The following ARHGAP26 variants were observed in gnomAD, a reference collection of about 807,000 sequenced individuals.
The protein encoded by ARHGAP26 is rho GTPase-activating protein 26.
In ARHGAP26, 38 loss-of-function variants were observed where a neutral mutation model predicts 104.8. That is an observed-to-expected ratio of 0.36 (90% confidence interval 0.28 to 0.48). ARHGAP26 has a LOEUF of 0.48. ARHGAP26 is among the 20% of genes least tolerant of loss of function. ARHGAP26 has a pLI of 0.99. For synonymous variants in ARHGAP26, 341 were observed against 340.0 expected, an observed-to-expected ratio of 1.00 and a Z score of -0.03; for missense variants, 704 against 947.9, an observed-to-expected ratio of 0.74 and a Z score of 3.38.
intron 17 of ARHGAP26, among the ~76,000 whole-genome samples, chr5:143,078,408 A>G (rs981420240): frequency 6.6e-6 from 1 of 151,938 alleles, no homozygotes; most frequent in African/African-American, 2.4e-5. Flanking sequence ...TTGGTTTTTT[A>G]TTTTGGTCAG....
intron 6 of ARHGAP26, among the ~76,000 whole-genome samples, chr5:142,895,493 G>C (rs113842165): frequency 6.6e-6 from 1 of 152,138 alleles, no homozygotes; most frequent in African/African-American, 2.4e-5. Flanking sequence ...GCCTCCCAAA[G>C]TGCTGGGATT....
At chr5:143,045,483 C>T (rs1337440771) in intron 14 of ARHGAP26, among the ~76,000 whole-genome samples, 1 of 152,196 alleles carries the variant, frequency 6.6e-6, no homozygotes, top group African/African-American at 2.4e-5. Flanking sequence ...ACAACTTCAT[C>T]AATTCTTGGT....
chr5:142,866,288 ATAGTG>A (rs1231925270), intron 1 of ARHGAP26, among the ~76,000 whole-genome samples: 1 of 152,202 alleles, frequency 6.6e-6, no homozygotes, highest in Non-Finnish European at 1.5e-5. Flanking sequence ...ATGAGGCAAT[ATAGTG>A]TAGTAGTTAA....
At chr5:142,933,362 A>G (rs1764987667) in intron 11 of ARHGAP26, among the ~76,000 whole-genome samples, 1 of 152,132 alleles carries the variant, frequency 6.6e-6, no homozygotes, top group Non-Finnish European at 1.5e-5. Flanking sequence ...CTGTGATTCC[A>G]TTTTATAGAT....
intron 1 of ARHGAP26, among the ~76,000 whole-genome samples, chr5:142,822,629 C>A (rs1766419436): frequency 1.3e-5 from 2 of 152,070 alleles, no homozygotes; most frequent in South Asian, 2.1e-4. Flanking sequence ...TATATATACA[C>A]ATATATCTCA....
At chr5:142,905,111 C>T (rs1443596414) in intron 8 of ARHGAP26, among the ~76,000 whole-genome samples, 1 of 152,208 alleles carries the variant, frequency 6.6e-6, no homozygotes, top group Non-Finnish European at 1.5e-5. Flanking sequence ...GTGATCCCCT[C>T]TTTGCCCAGT....
chr5:142,774,067 A>C (rs1336157383), intron 1 of ARHGAP26, among the ~76,000 whole-genome samples: 1 of 152,232 alleles, frequency 6.6e-6, no homozygotes, highest in Non-Finnish European at 1.5e-5. Flanking sequence ...TTACTCAGAA[A>C]ATCCTAATGG....
intron 8 of ARHGAP26, among the ~76,000 whole-genome samples, chr5:142,904,989 G>A (rs1760911123): frequency 6.6e-6 from 1 of 152,128 alleles, no homozygotes; most frequent in Non-Finnish European, 1.5e-5. Context: ...TGGTGTTGGA[G>A]TATTGGCTGT....
At chr5:143,016,049 A>C (rs1779538877) in intron 12 of ARHGAP26, among the ~76,000 whole-genome samples, 1 of 152,242 alleles carries the variant, frequency 6.6e-6, no homozygotes, top group Non-Finnish European at 1.5e-5. Context: ...AGAATGAGAG[A>C]CAATCTAAAT....
chr5:142,831,049 A>G (rs780144515), intron 1 of ARHGAP26, among the ~76,000 whole-genome samples: 16 of 152,214 alleles, frequency 1.1e-4, no homozygotes, highest in Admixed American at 3.9e-4. Flanking sequence ...GGGACTAAAG[A>G]TGATAATCCA....
chr5:142,924,564 C>A (rs1763638150), intron 10 of ARHGAP26, among the ~76,000 whole-genome samples: 1 of 152,214 alleles, frequency 6.6e-6, no homozygotes, highest in Non-Finnish European at 1.5e-5. Context: ...AATAAACACT[C>A]AGTAAATCTA....
rs768693812 is a variant in ARHGAP26, at chr5:142,770,732, C to T, written c.-30C>T. 8.1e-7 allele frequency: 1 copy of T among 1,227,896 alleles called. No homozygotes were observed. Among genetic ancestry groups the T allele is most frequent in the South Asian group, 3.0e-5 (1 of 33,250 alleles). The allele number at this position is 1,227,896 out of a possible 1,614,324, so 76.1% of individuals were successfully genotyped here. A position where few individuals can be genotyped will look rare whatever the true frequency, so the allele number is the denominator to read the frequency against. On this transcript the variant is annotated 5_prime_UTR_variant, in exon 1 of 23. Transcript: ENST00000645722. ...CGGGCGGCCCGGGCCCCGGCGGAGGCGCGCCCCCCGGCTGGGCGCCGCGCG... is the reference window on the plus strand; with the variant it reads ...CGGGCGGCCCGGGCCCCGGCGGAGGTGCGCCCCCCGGCTGGGCGCCGCGCG...
At chr5:143,039,534 T>G (rs1290235654) in intron 13 of ARHGAP26, among the ~76,000 whole-genome samples, 1 of 151,800 alleles carries the variant, frequency 6.6e-6, no homozygotes. Context: ...TTTAATTTTT[T>G]TTTTTAAATT....
rs140782907 is a variant in ARHGAP26 at position 143,041,430 on chromosome 5, C to G, written c.1211-386C>G. 809 of 170,838 alleles carry G rather than the reference C, an allele frequency of 4.7e-3. 6 individuals carry two copies. Among genetic ancestry groups the G allele is most frequent in the Non-Finnish European group, 8.3e-3 (589 of 70,552 alleles). The allele number at this position is 170,838 out of a possible 1,614,324, so 10.6% of individuals were successfully genotyped here. On this transcript the variant is annotated intron_variant, in intron 13 of 22. Coordinates refer to ENST00000645722, the MANE Select transcript of ARHGAP26 (RefSeq NM_001135608.3). ...AAAATAGATTATAAAGTGTCTTTTT[C>G]TGTTGTATGAATTTTTAATGTCATT...
intron 5 of ARHGAP26, 126 bp downstream of exon 5, chr5:142,885,525 T>C: frequency 1.4e-6 from 1 of 715,124 alleles, no homozygotes; most frequent in Non-Finnish European, 2.3e-6. Flanking sequence ...AGGAGATTGC[T>C]CCTGATCCCT....
chr5:142,955,095 T>TACACACAC (rs11419144), intron 11 of ARHGAP26, among the ~76,000 whole-genome samples: 13 of 52,622 alleles, frequency 2.5e-4, no homozygotes, highest in African/African-American at 2.3e-3. Flanking sequence ...GAGACCTGTC[T>TACACACAC]ACACACACAC....
At chr5:143,005,604 G>A (rs577105409) in intron 11 of ARHGAP26, among the ~76,000 whole-genome samples, 7 of 152,320 alleles carry the variant, frequency 4.6e-5, no homozygotes, top group African/African-American at 1.7e-4. Flanking sequence ...TAGTATTCAC[G>A]GGTGTCCAGA....
chr5:143,027,436 G>A (rs1345448986), intron 12 of ARHGAP26, among the ~76,000 whole-genome samples: 6 of 150,822 alleles, frequency 4.0e-5, no homozygotes, highest in African/African-American at 9.8e-5. Flanking sequence ...CACCTGCCTC[G>A]GCCTCCCAAA....
At chr5:143,118,097 A>C (rs900633677) in intron 17 of ARHGAP26, among the ~76,000 whole-genome samples, 2 of 152,246 alleles carry the variant, frequency 1.3e-5, no homozygotes, top group African/African-American at 4.8e-5. Context: ...AGGAAAGTAC[A>C]GAAAGGAATG....
Sources: gnomAD v4.1 joint callset for allele counts (sites outside exome capture counted in the v4.1 genomes callset) on GRCh38, gnomAD v4.1.1 for gene constraint, MANE v1.5 for transcripts, NCBI Gene and HGNC (gene_info 2026-07-23, HGNC 2026-07-21) for gene names.